The following CERS5 variants were observed in gnomAD, a reference collection of about 807,000 sequenced individuals.
CERS5 encodes the protein LAG1 homolog, ceramide synthase 5.
Under a neutral mutation model 58.9 loss-of-function variants are expected in CERS5, and 37 were observed. The observed-to-expected ratio is 0.63, with a 90% confidence interval of 0.48 to 0.83. The LOEUF is 0.83. CERS5 is among the 40% of genes least tolerant of loss of function. The probability of loss-of-function intolerance (pLI) is 0.00; values close to 1 mark genes in which losing one functional copy is unlikely to be tolerated. For missense variants in CERS5, 398 were observed against 489.3 expected, an observed-to-expected ratio of 0.81 and a Z score of 1.76; for synonymous variants, 147 against 177.8, an observed-to-expected ratio of 0.83 and a Z score of 1.38.
At chr12:50,134,798 C>T in intron 8 of CERS5, 96 bp from the exon 9 acceptor site, 1 of 1,150,556 alleles carries the variant, frequency 8.7e-7, no homozygotes, top group Admixed American at 2.3e-5. Flanking sequence ...GTGTGTTTTC[C>T]TACCAGCCCT....
chr12:50,130,479 C>T lies in CERS5; in HGVS notation c.*66G>A. 7.0e-7 allele frequency: 1 copy of T among 1,422,180 alleles called. No individual in the cohort carries two copies. 88.1% of individuals were successfully genotyped at this position (1,422,180 alleles called of 1,614,324 possible). A position where few individuals can be genotyped will look rare whatever the true frequency, so the allele number is the denominator to read the frequency against. On this transcript the variant is annotated 3_prime_UTR_variant, in exon 10 of 10. Transcript: ENST00000317551. ...CACAGAAGAGTAGATATGGGAAGGGCCAAGAGGAGTATGTTGCCAGTGGCC... is the reference window on the plus strand; with the variant it reads ...CACAGAAGAGTAGATATGGGAAGGGTCAAGAGGAGTATGTTGCCAGTGGCC...
intron 1 of CERS5, among the ~76,000 whole-genome samples, chr12:50,155,837 C>A (rs1938528033): frequency 6.7e-6 from 1 of 149,940 alleles, no homozygotes; most frequent in Admixed American, 6.7e-5. Context: ...CATGGTGGCT[C>A]ACGCCTGTAA....
At chr12:50,145,020 C>T in intron 1 of CERS5, 1 of 234,258 alleles carries the variant, frequency 4.3e-6, no homozygotes, top group Non-Finnish European at 8.4e-6. Context: ...CGCCTGTAAT[C>T]CCAGCTACTT....
rs548866225 is a variant in CERS5, at chr12:50,133,942, T to G, written c.1029+604A>C. ...CAAAAATTAGCCAGGCCTGGTGGCA[T>G]GCGCCTGTAATCCCAGCTACTAGGG... On this transcript the variant is annotated intron_variant, in intron 9 of 9. Transcript: ENST00000317551. The G allele has an allele frequency of 1.3e-4, 22 of 172,848 alleles. 1 individual carries two copies. In the South Asian group the frequency reaches 2.3e-3, roughly 18 times the overall value. 10.7% of individuals were successfully genotyped at this position (172,848 alleles called of 1,614,324 possible).
intron 1 of CERS5, chr12:50,144,804 G>A: frequency 6.5e-7 from 1 of 1,527,124 alleles, no homozygotes; most frequent in African/African-American, 1.4e-5. Context: ...AAAAGAAGAG[G>A]TTATATCAAG....
chr12:50,138,505 C>A, intron 5 of CERS5, 62 bp downstream of exon 5: 1 of 1,373,436 alleles, frequency 7.3e-7, no homozygotes, highest in Non-Finnish European at 1.0e-6. Flanking sequence ...TGGCAAAGGA[C>A]CCTCACTCAC....
In CERS5 at chr12:50,142,078, CAG is replaced by C; in HGVS notation, c.465_466del (p.Phe155LeufsTer5). 1 of 1,605,410 alleles carries C rather than the reference CAG, an allele frequency of 6.2e-7. No homozygotes were observed. Among genetic ancestry groups the C allele is most frequent in the Non-Finnish European group, 8.5e-7 (1 of 1,172,948 alleles). ...CGACCAGAGAAATCTAATTCCATAGCAGAATATACATAAATAAAATGTGAATC... is the reference window on the plus strand; with the variant it reads ...CGACCAGAGAAATCTAATTCCATAGCAATATACATAAATAAAATGTGAATC... On this transcript the variant is annotated frameshift_variant, in exon 4 of 10. Transcript: ENST00000317551. LOFTEE classifies it high-confidence loss of function.
rs71083511 is a variant in CERS5, at chr12:50,148,904, C to CAA, written c.198-4849_198-4848dup. 3.3e-3 allele frequency among the ~76,000 whole-genome samples: 235 copies of CAA among 71,938 alleles called. 4 individuals are homozygous for CAA. The highest frequency in any genetic ancestry group is 7.3e-3 in the African/African-American group (121 of 16,484). 47.2% of individuals were successfully genotyped at this position (71,938 alleles called of 152,430 possible). On this transcript the variant is annotated intron_variant, in intron 1 of 9. Transcript: ENST00000317551. ...GGGGTGACGGAGCGAGACTCCATCT[C>CAA]AAAAAAAAAAAAAAAAAAAAAAAAT...
chr12:50,136,180 T>C (rs112388226), intron 6 of CERS5, 111 bp from the exon 7 acceptor site: 9 of 950,552 alleles, frequency 9.5e-6, no homozygotes, highest in African/African-American at 8.5e-5. Context: ...CCATATAGAA[T>C]AGTTTCCATT....
At chr12:50,143,827 C>G in intron 2 of CERS5, 125 bp downstream of exon 2, 1 of 662,712 alleles carries the variant, frequency 1.5e-6, no homozygotes, top group Non-Finnish European at 2.7e-6. Flanking sequence ...GCTACATGGA[C>G]TACTCAAATA....
rs1951225226 is a variant in CERS5, at chr12:50,129,994, G to C, written c.*551C>G. The C allele has an allele frequency of 6.6e-6, 1 of 152,600 alleles. No homozygotes were observed. The highest frequency in any genetic ancestry group is 2.4e-5 in the African/African-American group (1 of 41,446). 9.5% of individuals were successfully genotyped at this position (152,600 alleles called of 1,614,324 possible). ...GATTGATAGGAAGGGGATCTAGCTA[G>C]GGACCACGGCAATCCTGGCCATCCA... On this transcript the variant is annotated 3_prime_UTR_variant, in exon 10 of 10. Coordinates refer to ENST00000317551, the MANE Select transcript of CERS5 (RefSeq NM_147190.5).
intron 1 of CERS5, among the ~76,000 whole-genome samples, chr12:50,158,054 C>A (rs1260991528): frequency 9.6e-6 from 1 of 103,638 alleles, no homozygotes; most frequent in African/African-American, 3.8e-5. Context: ...AGAGTGAGAC[C>A]ATGACCAAAA....
chr12:50,149,769 C>G (rs903146874), intron 1 of CERS5, among the ~76,000 whole-genome samples: 2 of 152,140 alleles, frequency 1.3e-5, no homozygotes, highest in Non-Finnish European at 2.9e-5. Context: ...GAGTCTCGCT[C>G]TGATGCCTAG....
At chr12:50,143,343 AT>A in intron 2 of CERS5, 139 bp from the exon 3 acceptor site, 2 of 976,872 alleles carry the variant, frequency 2.0e-6, no homozygotes, top group Non-Finnish European at 3.1e-6. Flanking sequence ...TCCCAAAGTC[AT>A]TTTTAGTAAG....
intron 6 of CERS5, among the ~76,000 whole-genome samples, chr12:50,136,643 A>G (rs1055830506): frequency 6.6e-6 from 1 of 152,168 alleles, no homozygotes; most frequent in African/African-American, 2.4e-5. Flanking sequence ...CATGGATGCT[A>G]AGCTGACACT....
intron 1 of CERS5, 143 bp from the exon 2 acceptor site, chr12:50,144,200 T>TA (rs1228119184): frequency 1.8e-6 from 1 of 570,610 alleles, no homozygotes; most frequent in Non-Finnish European, 3.1e-6. Flanking sequence ...CTGGGGTAAT[T>TA]ACCATATCCA....
rs540463405 is a variant in CERS5 at position 50,148,969 on chromosome 12, T to C, written c.198-4912A>G. On this transcript the variant is annotated intron_variant, in intron 1 of 9. Transcript: ENST00000317551. ...ATATGTGTGTGTGTGTGTGTGTGTGTGCGTGTAGACATTTTATACATGTAT... is the reference window on the plus strand; with the variant it reads ...ATATGTGTGTGTGTGTGTGTGTGTGCGCGTGTAGACATTTTATACATGTAT... Among the ~76,000 whole-genome samples the C allele has an allele frequency of 2.1e-3, 296 of 140,100 alleles. 3 individuals are homozygous for C. The highest frequency in any genetic ancestry group is 7.4e-3 in the Middle Eastern group (2 of 270). 91.9% of individuals were successfully genotyped at this position (140,100 alleles called of 152,430 possible). A position where few individuals can be genotyped will look rare whatever the true frequency, so the allele number is the denominator to read the frequency against.
intron 2 of CERS5, 23 bp downstream of exon 2, chr12:50,143,927 CCT>C (rs757846711): frequency 2.9e-6 from 4 of 1,381,818 alleles, no homozygotes; most frequent in African/African-American, 2.9e-5. Flanking sequence ...TGTGAATATT[CCT>C]CTCTGTTTCT....
At chr12:50,148,925 AAAATAT>A (rs1159600183) in intron 1 of CERS5, among the ~76,000 whole-genome samples, 129 of 57,038 alleles carry the variant, frequency 2.3e-3, no homozygotes, top group African/African-American at 6.4e-3. Flanking sequence ...AAAAAAAAAA[AAAATAT>A]ATATATATAT....
Sources: gnomAD v4.1 joint callset for allele counts (sites outside exome capture counted in the v4.1 genomes callset) on GRCh38, gnomAD v4.1.1 for gene constraint, MANE v1.5 for transcripts, NCBI Gene and HGNC (gene_info 2026-07-23, HGNC 2026-07-21) for gene names.